The following FABP12 variants were observed in gnomAD, a reference collection of about 807,000 sequenced individuals.
The protein encoded by FABP12 is fatty acid binding protein 12.
A neutral mutation model predicts 13.7 loss-of-function variants in FABP12; 19 were observed. The ratio of observed to expected loss-of-function variants is 1.39; its 90% CI spans 0.97 to 2.04. The LOEUF (loss-of-function observed/expected upper bound fraction) is 2.04. FABP12 is among the 30% of genes most tolerant of loss of function. The probability of loss-of-function intolerance (pLI) is 0.00; values close to 1 mark genes in which losing one functional copy is unlikely to be tolerated. For synonymous variants in FABP12, 61 were observed against 57.0 expected, an observed-to-expected ratio of 1.07 and a Z score of -0.32; for missense variants, 182 against 164.2, an observed-to-expected ratio of 1.11 and a Z score of -0.59.
At chr8:81,541,253 C>CTTG (rs1809334379) in intron 1 of FABP12, among the ~76,000 whole-genome samples, 1 of 151,992 alleles carries the variant, frequency 6.6e-6, no homozygotes, top group African/African-American at 2.4e-5. Context: ...CACCTGGAAG[C>CTTG]TTGTTAGCAT....
intron 3 of FABP12, among the ~76,000 whole-genome samples, chr8:81,527,680 C>G (rs1414190719): frequency 6.6e-6 from 1 of 152,056 alleles, no homozygotes; most frequent in African/African-American, 2.4e-5. Flanking sequence ...TTCTTTTTAT[C>G]TTTGACTGTG....
exon 2 of FABP12, chr8:81,531,275 C>T (rs777098334): frequency 3.1e-6 from 5 of 1,607,064 alleles, no homozygotes; most frequent in Non-Finnish European, 8.5e-7. Flanking sequence ...GGAATTTTCA[C>T]AAGAAATGGA....
intron 1 of FABP12, among the ~76,000 whole-genome samples, chr8:81,563,561 G>A (rs1167504887): frequency 6.6e-6 from 1 of 152,104 alleles, no homozygotes; most frequent in Non-Finnish European, 1.5e-5. Context: ...TTCAGAGTCT[G>A]ATCAGATAAA....
chr8:81,531,254 A>G (rs770647540), exon 2 of FABP12: 4 of 1,606,334 alleles, frequency 2.5e-6, no homozygotes, highest in Non-Finnish European at 8.5e-7. Context: ...CAGCTCCTTC[A>G]TGTAGTCTTC....
At chr8:81,543,375 T>C (rs1809383880) in intron 1 of FABP12, among the ~76,000 whole-genome samples, 1 of 152,232 alleles carries the variant, frequency 6.6e-6, no homozygotes, top group Non-Finnish European at 1.5e-5. Context: ...CATCTCATGC[T>C]ATTTTAATGA....
At chr8:81,572,249 T>C (rs756146761) in intron 1 of FABP12, among the ~76,000 whole-genome samples, 1 of 152,186 alleles carries the variant, frequency 6.6e-6, no homozygotes, top group Non-Finnish European at 1.5e-5. Context: ...GAATAATAGT[T>C]TCCTGTCTCA....
At chr8:81,539,045 T>C (rs1033117068) in intron 2 of FABP12, among the ~76,000 whole-genome samples, 1 of 152,062 alleles carries the variant, frequency 6.6e-6, no homozygotes. Flanking sequence ...GATGGGATTA[T>C]GCCATGTTGG....
chr8:81,578,727 G>A (rs1264818361), intron 1 of FABP12, among the ~76,000 whole-genome samples: 9 of 145,848 alleles, frequency 6.2e-5, no homozygotes, highest in East Asian at 2.0e-4. Flanking sequence ...CTTGTGATCC[G>A]TCCACCTCGG....
intron 1 of FABP12, among the ~76,000 whole-genome samples, chr8:81,576,178 T>C (rs1810041466): frequency 6.6e-6 from 1 of 152,162 alleles, no homozygotes. Flanking sequence ...ATGATTTGAA[T>C]GATATAACGA....
chr8:81,528,237 A>C (rs780198912), intron 3 of FABP12, among the ~76,000 whole-genome samples: 56 of 152,094 alleles, frequency 3.7e-4, no homozygotes, highest in Non-Finnish European at 5.6e-4. Context: ...GCACCACCAC[A>C]GTGGCTAATC....
chr8:81,564,304 G>T (rs1809778440), intron 1 of FABP12, among the ~76,000 whole-genome samples: 1 of 152,006 alleles, frequency 6.6e-6, no homozygotes, highest in Admixed American at 6.6e-5. Flanking sequence ...AGAAAGAAAA[G>T]GAAATTAGTG....
At chr8:81,575,777 T>C (rs937907560) in intron 1 of FABP12, among the ~76,000 whole-genome samples, 1 of 152,168 alleles carries the variant, frequency 6.6e-6, no homozygotes, top group Non-Finnish European at 1.5e-5. Context: ...ATAGCTAGCC[T>C]CCTGTCAGAT....
chr8:81,545,046 G>C (rs1232218343), intron 1 of FABP12, among the ~76,000 whole-genome samples: 1 of 152,150 alleles, frequency 6.6e-6, no homozygotes, highest in Non-Finnish European at 1.5e-5. Flanking sequence ...TTTTGGGACA[G>C]TTTCATTCTT....
chr8:81,542,256 T>G (rs2129990290), intron 1 of FABP12, among the ~76,000 whole-genome samples: 1 of 152,250 alleles, frequency 6.6e-6, no homozygotes, highest in East Asian at 1.9e-4. Flanking sequence ...AACTTACTCT[T>G]AAAAATCAGG....
chr8:81,569,571 G>T (rs1408333465), intron 1 of FABP12, among the ~76,000 whole-genome samples: 8 of 152,132 alleles, frequency 5.3e-5, no homozygotes, highest in Non-Finnish European at 1.5e-5. Context: ...GCTTCATTTA[G>T]TCTGTATCTC....
At chr8:81,532,746 A>G (rs978925753) in intron 1 of FABP12, among the ~76,000 whole-genome samples, 1 of 152,248 alleles carries the variant, frequency 6.6e-6, no homozygotes, top group African/African-American at 2.4e-5. Flanking sequence ...ACTTGAACCC[A>G]GGAAGCAGAG....
chr8:81,536,221 C>A (rs1011149112), upstream of FABP12, among the ~76,000 whole-genome samples: 1 of 152,192 alleles, frequency 6.6e-6, no homozygotes, highest in Non-Finnish European at 1.5e-5. Context: ...CCAGTGCATT[C>A]CTGATGGCCC....
Position 81,582,770 on chromosome 8 carries a change from T to C in FABP12, c.-185+7283A>G, listed in dbSNP as rs1810186103. 2.0e-5 allele frequency among the ~76,000 whole-genome samples: 3 copies of C among 152,136 alleles called. No homozygotes were observed. In the East Asian group the frequency reaches 5.8e-4, roughly 29 times the overall value. On this transcript the variant is annotated intron_variant, in intron 1 of 5. Coordinates refer to the FABP12 transcript ENST00000692030. ...ATACAGTAATAGTTGGGGACTTTGA[T>C]ACCCCATTCTCAGCATTAAACAGAT...
intron 4 of FABP12, among the ~76,000 whole-genome samples, chr8:81,526,677 G>A (rs1808909446): frequency 1.3e-5 from 2 of 152,124 alleles, no homozygotes; most frequent in South Asian, 4.1e-4. Flanking sequence ...TGTTGAGATG[G>A]AAAAACAGTG....
Sources: allele counts gnomAD v4.1 joint callset (sites outside exome capture counted in the v4.1 genomes callset), GRCh38; gene constraint gnomAD v4.1.1; transcripts MANE v1.5; gene names NCBI Gene and HGNC (gene_info 2026-07-23, HGNC 2026-07-21).